Variants in ALK observed in about 807,000 individuals in gnomAD.
ALK encodes the protein ALK receptor tyrosine kinase.
In ALK, 74 loss-of-function variants were observed where a neutral mutation model predicts 163.1. That is an observed-to-expected ratio of 0.45 (90% CI 0.38 to 0.55). The LOEUF (loss-of-function observed/expected upper bound fraction) is 0.55, where lower values mean the gene tolerates loss of function less well. Among genes scored for constraint, ALK ranks in the 20% least tolerant of loss-of-function variants. The pLI is 0.00. For synonymous variants in ALK, 960 were observed against 843.2 expected (o/e 1.14, Z -2.40); for missense variants, 2,063 against 2,105.3 (o/e 0.98, Z 0.39).
intron 3 of ALK, among the ~76,000 whole-genome samples, chr2:29,643,137 T>G (rs964638122): frequency 6.6e-6 from 1 of 151,830 alleles, no homozygotes; most frequent in African/African-American, 2.4e-5. Flanking sequence ...AAGATAATCT[T>G]TTTGGCTGGG....
intron 4 of ALK, among the ~76,000 whole-genome samples, chr2:29,505,271 T>G (rs936751320): frequency 6.6e-6 from 1 of 151,974 alleles, no homozygotes; most frequent in Non-Finnish European, 1.5e-5. Context: ...CCAGCATGCC[T>G]CTGGGGGAGG....
intron 1 of ALK, among the ~76,000 whole-genome samples, chr2:29,753,303 T>C (rs1019270434): frequency 6.6e-6 from 1 of 152,128 alleles, no homozygotes; most frequent in Admixed American, 6.5e-5. Flanking sequence ...GGAACCAGAG[T>C]GCTTGAAGAT....
At position 29,482,751 on chromosome 2, in the gene ALK, C is replaced by T. The variant is rs1194533210; in HGVS notation, c.1154+49164G>A. On this transcript the variant is annotated intron_variant, in intron 4 of 28. Transcript: ENST00000389048. ...AGAGCAAAAACAACAATAACAACAACAACAACAACAACAACAAAAACTGAG... is the reference window on the plus strand; with the variant it reads ...AGAGCAAAAACAACAATAACAACAATAACAACAACAACAACAAAAACTGAG... 2.6e-5 allele frequency among the ~76,000 whole-genome samples: 4 copies of T among 152,130 alleles called. No homozygotes were observed. The East Asian group carries it at 5.8e-4, about 22-fold the overall frequency.
intron 1 of ALK, among the ~76,000 whole-genome samples, chr2:29,810,328 A>C (rs1664725283): frequency 6.6e-6 from 1 of 151,820 alleles, no homozygotes; most frequent in Non-Finnish European, 1.5e-5. Flanking sequence ...AGGCTGAGGC[A>C]GGAGAATCGC....
chr2:29,843,867 T>G (rs1665765259), intron 1 of ALK, among the ~76,000 whole-genome samples: 1 of 152,214 alleles, frequency 6.6e-6, no homozygotes, highest in South Asian at 2.1e-4. Flanking sequence ...TACTGTATGC[T>G]GAGCACATTA....
chr2:29,512,883 G>C (rs2148142072), intron 4 of ALK, among the ~76,000 whole-genome samples: 1 of 145,788 alleles, frequency 6.9e-6, no homozygotes, highest in Non-Finnish European at 1.5e-5. Context: ...AATCATGAGT[G>C]AACTCCCATT....
chr2:29,209,520 C>T (rs1419081133), intron 25 of ALK, among the ~76,000 whole-genome samples: 6 of 111,820 alleles, frequency 5.4e-5, no homozygotes, highest in Admixed American at 4.9e-4. Context: ...CCAGCCTGGG[C>T]AACAAGAGCG....
chr2:29,267,080 G>T (rs980258103), intron 11 of ALK, among the ~76,000 whole-genome samples: 1 of 151,726 alleles, frequency 6.6e-6, no homozygotes, highest in Non-Finnish European at 1.5e-5. Context: ...ATTACTAGAA[G>T]ACTCTCTCTC....
In ALK at chr2:29,826,694, C is replaced by A. The variant is rs200709596; in HGVS notation, c.667+93299G>T. On this transcript the variant is annotated intron_variant, in intron 1 of 28. Coordinates refer to ENST00000389048, the MANE Select transcript of ALK (RefSeq NM_004304.5). Reference sequence around the variant, plus strand: ...CCAACATCAGAGCAATGCCTGCCTGCCCTCCATGATTAATCAGAGCAATAA... The same window carrying A: ...CCAACATCAGAGCAATGCCTGCCTGACCTCCATGATTAATCAGAGCAATAA... 3.7e-4 allele frequency among the ~76,000 whole-genome samples: 57 copies of A among 152,328 alleles called. No homozygotes were observed. In the East Asian group the frequency reaches 7.1e-3, roughly 19 times the overall value.
chr2:29,806,217 G>T (rs146942038), intron 1 of ALK, among the ~76,000 whole-genome samples: 534 of 152,288 alleles, frequency 3.5e-3, no homozygotes, highest in Middle Eastern at 6.8e-3. Flanking sequence ...AGAGTTGAAT[G>T]CAAAGCCTAA....
At chr2:29,771,566 A>C (rs2631981) in intron 1 of ALK, among the ~76,000 whole-genome samples, 1 of 151,274 alleles carries the variant, frequency 6.6e-6, no homozygotes, top group East Asian at 2.0e-4. Flanking sequence ...GCTGAGTCTC[A>C]CTCTGTCGCC....
chr2:29,589,860 G>C (rs571755752), intron 3 of ALK, among the ~76,000 whole-genome samples: 9 of 152,328 alleles, frequency 5.9e-5, no homozygotes, highest in East Asian at 5.8e-4. Context: ...AAGGGAGTGG[G>C]TATCCCTGTG....
intron 4 of ALK, among the ~76,000 whole-genome samples, chr2:29,448,811 G>A (rs569638351): frequency 5.3e-5 from 8 of 152,050 alleles, no homozygotes; most frequent in Non-Finnish European, 1.2e-4. Flanking sequence ...TGTCCAGACC[G>A]GTCACCCCTC....
At chr2:29,799,576 T>C (rs950001977) in intron 1 of ALK, among the ~76,000 whole-genome samples, 18 of 152,006 alleles carry the variant, frequency 1.2e-4, no homozygotes, top group Admixed American at 7.2e-4. Context: ...TCCTAGCTAC[T>C]CAAGAGATTA....
intron 1 of ALK, among the ~76,000 whole-genome samples, chr2:29,765,306 T>C (rs1680827583): frequency 6.6e-6 from 1 of 151,994 alleles, no homozygotes; most frequent in Non-Finnish European, 1.5e-5. Flanking sequence ...GTATATAGAG[T>C]GGCCTCTTAT....
chr2:29,729,838 T>C (rs1458675464), intron 1 of ALK, among the ~76,000 whole-genome samples: 1 of 152,174 alleles, frequency 6.6e-6, no homozygotes, highest in Non-Finnish European at 1.5e-5. Context: ...ATCAAGAAGA[T>C]CTAAAGGAGA....
At chr2:29,298,357 C>A (rs2148232318) in intron 8 of ALK, among the ~76,000 whole-genome samples, 1 of 152,254 alleles carries the variant, frequency 6.6e-6, no homozygotes, top group East Asian at 1.9e-4. Flanking sequence ...ACTTAGCTTT[C>A]TTGTACAAGC....
intron 3 of ALK, among the ~76,000 whole-genome samples, chr2:29,589,248 T>C (rs1172861956): frequency 1.3e-5 from 2 of 152,182 alleles, no homozygotes; most frequent in African/African-American, 4.8e-5. Context: ...TCTCCCTCAC[T>C]TGCATTTGCC....
chr2:29,368,262 A>G (rs1668553640), intron 5 of ALK, among the ~76,000 whole-genome samples: 1 of 152,168 alleles, frequency 6.6e-6, no homozygotes, highest in African/African-American at 2.4e-5. Flanking sequence ...TGTGTGCCAG[A>G]ACCAAGGGCT....
Sources: gnomAD v4.1 joint callset for allele counts (sites outside exome capture counted in the v4.1 genomes callset) on GRCh38, gnomAD v4.1.1 for gene constraint, MANE v1.5 for transcripts, NCBI Gene and HGNC (gene_info 2026-07-23, HGNC 2026-07-21) for gene names.